ZNF81: variants seen among roughly 807,000 people sequenced by gnomAD.
ZNF81 encodes the protein zinc finger protein 81 (HFZ20).
ZNF81 carries 5 observed loss-of-function variants against 32.3 expected under a neutral mutation model. The ratio of observed to expected loss-of-function variants is 0.15; its 90% confidence interval spans 0.08 to 0.33. ZNF81 has a LOEUF of 0.33. ZNF81 is among the 10% of genes least tolerant of loss of function. The pLI, the probability that ZNF81 is intolerant of heterozygous loss-of-function variation, is 1.00. For synonymous variants in ZNF81, 163 were observed against 166.8 expected (o/e 0.98, Z 0.17); for missense variants, 379 against 479.8 (o/e 0.79, Z 1.96).
chrX:47,856,782 TA>T (rs1368253069), intron 2 of ZNF81, among the ~76,000 whole-genome samples: 8 of 110,781 alleles, frequency 7.2e-5, no homozygotes, highest in African/African-American at 2.6e-4. Flanking sequence ...CCATCTCTAC[TA>T]AAAATAGAAA....
At chrX:47,898,930 A>G (rs1329186570) in intron 4 of ZNF81, among the ~76,000 whole-genome samples, 1 of 111,747 alleles carries the variant, frequency 8.9e-6, no homozygotes, top group African/African-American at 3.2e-5. Context: ...ATAAGTTGCT[A>G]GTGATTGATT....
At chrX:47,910,662 T>A (rs1377725428) in intron 4 of ZNF81, among the ~76,000 whole-genome samples, 1 of 112,185 alleles carries the variant, frequency 8.9e-6, no homozygotes, top group African/African-American at 3.2e-5. Flanking sequence ...TTTATTTGTA[T>A]TCTGATGACT....
rs2058766565 is a variant in ZNF81 at position 47,918,924 on chromosome X, AT to A, written c.*2293del. 1 of 227,056 alleles carries A rather than the reference AT, an allele frequency of 4.4e-6. No individual in the cohort carries two copies. The highest frequency in any genetic ancestry group is 8.3e-6 in the Non-Finnish European group (1 of 120,688). The allele number at this position is 227,056 out of a possible 1,213,427, so 18.7% of individuals were successfully genotyped here. On this transcript the variant is annotated 3_prime_UTR_variant, in exon 5 of 5. Coordinates refer to ENST00000338637, the MANE Select transcript of ZNF81 (RefSeq NM_007137.5). The stretch of plus-strand genomic sequence containing the variant: ...TTGAATGGGAGTGTCTATTACAGTT[AT>A]CCTGTACCTATCCCACCATTGTATA...
At chrX:47,898,086 G>T (rs2058685921) in intron 4 of ZNF81, among the ~76,000 whole-genome samples, 1 of 111,382 alleles carries the variant, frequency 9.0e-6, no homozygotes, top group African/African-American at 3.3e-5. Flanking sequence ...AGGTTTTGTG[G>T]GAAGGAATGG....
chrX:47,915,894 C>T lies in ZNF81; in HGVS notation c.1248C>T (p.Cys416=). 8.3e-7 allele frequency: 1 copy of T among 1,209,632 alleles called. No homozygotes were observed. Among genetic ancestry groups the T allele is most frequent in the Non-Finnish European group, 1.1e-6 (1 of 894,566 alleles). The part of the protein sequence containing the change: ...KIHTGERHHK[C]SECGKAFTQK... ...ACACTGGAGAGAGACATCACAAATG[C>T]AGTGAGTGTGGGAAAGCCTTTACCC... Residue 416 remains cysteine, a synonymous_variant, in exon 5 of 5, where the codon TGC becomes TGT. Transcript: ENST00000338637.
intron 2 of ZNF81, among the ~76,000 whole-genome samples, chrX:47,879,408 A>G (rs187518628): frequency 8.9e-6 from 1 of 111,743 alleles, no homozygotes; most frequent in Non-Finnish European, 1.9e-5. Context: ...AGTATCATGG[A>G]TGCTGGCAAA....
intron 1 of ZNF81, among the ~76,000 whole-genome samples, chrX:47,839,700 A>G (rs1569370611): frequency 1.8e-5 from 2 of 112,014 alleles, no homozygotes; most frequent in East Asian, 2.8e-4. Context: ...GAGACATTCA[A>G]CCTGCATTTA....
chrX:47,896,808 G>A (rs1293443007), intron 4 of ZNF81, among the ~76,000 whole-genome samples: 1 of 111,166 alleles, frequency 9.0e-6, no homozygotes, highest in Non-Finnish European at 1.9e-5. Flanking sequence ...CTTTATTAGG[G>A]TTTTATATAA....
intron 2 of ZNF81, among the ~76,000 whole-genome samples, chrX:47,852,571 G>A (rs1383505032): frequency 8.9e-6 from 1 of 112,050 alleles, no homozygotes; most frequent in African/African-American, 3.2e-5. Flanking sequence ...CATGTTCTTG[G>A]CTTATCCATA....
chrX:47,922,053 A>C lies in ZNF81; in HGVS notation c.*5421A>C, dbSNP rs1298506691. On this transcript the variant is annotated 3_prime_UTR_variant, in exon 5 of 5. Transcript: ENST00000338637. ...AGCCATCCCAAACAACTACCAGAAT[A>C]ATGGATTAAAACGTTAACTGTTTTA... The C allele has an allele frequency of 1.8e-5, 2 of 112,306 alleles. No individual in the cohort carries two copies. The highest frequency in any genetic ancestry group is 6.5e-5 in the African/African-American group (2 of 30,866). The allele number at this position is 112,306 out of a possible 1,213,427, so 9.3% of individuals were successfully genotyped here. A position where few individuals can be genotyped will look rare whatever the true frequency, so the allele number is the denominator to read the frequency against.
intron 3 of ZNF81, among the ~76,000 whole-genome samples, chrX:47,890,996 G>C (rs1297403659): frequency 2.7e-5 from 3 of 111,673 alleles, no homozygotes; most frequent in African/African-American, 9.8e-5. Context: ...TGCTCACTAG[G>C]TCCAATCAGC....
chrX:47,890,477 G>A (rs1323262193), intron 3 of ZNF81, among the ~76,000 whole-genome samples: 4 of 112,050 alleles, frequency 3.6e-5, no homozygotes, highest in African/African-American at 1.3e-4. Flanking sequence ...ACTACAGGAT[G>A]GCAGGACTTT....
chrX:47,895,829 C>T lies in ZNF81; in HGVS notation c.182-16C>T, dbSNP rs373042932. 5 of 1,171,012 alleles carry T rather than the reference C, an allele frequency of 4.3e-6. No homozygotes were observed. Among genetic ancestry groups the T allele is most frequent in the Admixed American group, 2.2e-5 (1 of 45,674 alleles). On this transcript the variant is annotated splice_polypyrimidine_tract_variant and intron_variant, in intron 3 of 4. Transcript: ENST00000338637. The stretch of plus-strand genomic sequence containing the variant: ...CAATTTGCTGGACCCAATTCTCTAT[C>T]GTGTCCTGTTAACAGGGTTCGAAGT...
At chrX:47,888,909 G>T (rs782108947) in intron 3 of ZNF81, among the ~76,000 whole-genome samples, 18 of 111,895 alleles carry the variant, frequency 1.6e-4, no homozygotes, top group Non-Finnish European at 3.2e-4. Context: ...TTGTTATAAA[G>T]TACCGGAGAA....
intron 2 of ZNF81, among the ~76,000 whole-genome samples, chrX:47,864,733 T>G (rs1188263523): frequency 9.0e-6 from 1 of 111,693 alleles, no homozygotes; most frequent in Admixed American, 9.5e-5. Flanking sequence ...TCACTCAGTT[T>G]CATCAGAGAG....
rs1207501 is a variant in ZNF81 at position 47,854,909 on chromosome X, G to A, written c.54+8588G>A. Reference sequence around the variant, plus strand: ...AGGAGTTCGAGACCAGCCTGGCCAAGATGGTGAAACCCCGTCTCTACTAAA... The same window carrying A: ...AGGAGTTCGAGACCAGCCTGGCCAAAATGGTGAAACCCCGTCTCTACTAAA... On this transcript the variant is annotated intron_variant, in intron 2 of 4. Coordinates refer to ENST00000338637, the MANE Select transcript of ZNF81 (RefSeq NM_007137.5). Among the ~76,000 whole-genome samples the A allele has an allele frequency of 3.6e-5, 4 of 110,737 alleles. No individual in the cohort carries two copies. In the Admixed American group the frequency reaches 3.9e-4, roughly 11 times the overall value.
chrX:47,899,278 G>C (rs782160937), intron 4 of ZNF81, among the ~76,000 whole-genome samples: 85 of 55,639 alleles, frequency 1.5e-3, no homozygotes, highest in Non-Finnish European at 1.8e-3. Flanking sequence ...TCTAATCCTA[G>C]CTTGTTTCAT....
intron 3 of ZNF81, among the ~76,000 whole-genome samples, chrX:47,891,944 C>T (rs2058663834): frequency 9.0e-6 from 1 of 111,681 alleles, no homozygotes; most frequent in South Asian, 3.8e-4. Context: ...CCTGGCTTCC[C>T]CTTCATTCAA....
intron 1 of ZNF81, among the ~76,000 whole-genome samples, chrX:47,840,500 TTTC>T (rs782408560): frequency 2.3e-4 from 25 of 109,074 alleles, no homozygotes; most frequent in Middle Eastern, 4.6e-3. Context: ...TTCTTTTCTT[TTTC>T]TTTTTTTTTT....
Sources: gnomAD v4.1 joint callset for allele counts (sites outside exome capture counted in the v4.1 genomes callset) on GRCh38, gnomAD v4.1.1 for gene constraint, MANE v1.5 for transcripts, NCBI Gene and HGNC (gene_info 2026-07-23, HGNC 2026-07-21) for gene names.